Variants in CHRNA1 observed in about 807,000 individuals in gnomAD.
CHRNA1 encodes cholinergic receptor nicotinic alpha 1 subunit.
A neutral mutation model predicts 47.1 loss-of-function variants in CHRNA1; 35 were observed. The observed-to-expected ratio is 0.74, with a 90% CI of 0.57 to 0.99. CHRNA1 has a LOEUF of 0.99. CHRNA1 is among the 50% of genes least tolerant of loss of function. CHRNA1 has a pLI of 0.00. For synonymous variants in CHRNA1, 229 were observed against 223.6 expected (o/e 1.02, Z -0.22); for missense variants, 506 against 591.1 (o/e 0.86, Z 1.49).
At chr2:174,759,959 CG>C (rs1172715642) in intron 1 of CHRNA1, among the ~76,000 whole-genome samples, 2 of 138,196 alleles carry the variant, frequency 1.4e-5, no homozygotes, top group African/African-American at 2.6e-5. Context: ...CACACACACA[CG>C]AAAAAAAAGC....
At chr2:174,758,881 A>G (rs1176738939) in intron 3 of CHRNA1, among the ~76,000 whole-genome samples, 1 of 151,972 alleles carries the variant, frequency 6.6e-6, no homozygotes, top group Non-Finnish European at 1.5e-5. Context: ...AAAGATATAT[A>G]TGTATTTAAA....
At position 174,759,543 on chromosome 2, in the gene CHRNA1, T is replaced by TGGTCTTCCACTGGCCGC. The variant is rs1684052200; in HGVS notation, c.117_133dup (p.His45ArgfsTer19). 1.2e-6 allele frequency: 2 copies of TGGTCTTCCACTGGCCGC among 1,613,988 alleles called. No homozygotes were observed. Among genetic ancestry groups the TGGTCTTCCACTGGCCGC allele is most frequent in the African/African-American group, 2.7e-5 (2 of 74,964 alleles). Reference sequence around the variant, plus strand: ...CACGGTGACCTCCACGACCTGGCGGTGGTCTTCCACTGGCCGCACCACGCT... The same window carrying TGGTCTTCCACTGGCCGC: ...CACGGTGACCTCCACGACCTGGCGGTGGTCTTCCACTGGCCGCGGTCTTCCACTGGCCGCACCACGCT... On this transcript the variant is annotated frameshift_variant, in exon 2 of 9. Coordinates refer to ENST00000348749, the MANE Select transcript of CHRNA1 (RefSeq NM_000079.4). LOFTEE classifies it high-confidence loss of function.
intron 7 of CHRNA1, 149 bp downstream of exon 7, chr2:174,749,797 A>G: frequency 1.4e-6 from 1 of 706,018 alleles, no homozygotes; most frequent in Non-Finnish European, 2.5e-6. Flanking sequence ...AAAGAGGCCA[A>G]AGAAAGTTCC....
At position 174,759,586 on chromosome 2, in the gene CHRNA1, G is replaced by A. The variant is rs1332884395; in HGVS notation, c.91C>T (p.Leu31=). ...ACCACGCTGCTGTAGTCTTTAAATA[G>A]CTTTGCCACCAGACGGGTCTCATGT... ...SEHETRLVAK[L]FKDYSSVVRP... is the part of the protein sequence containing the mutation. Residue 31 remains leucine, a synonymous_variant, in exon 2 of 9, where the codon CTA becomes TTA. Transcript: ENST00000348749. 6.2e-7 allele frequency: 1 copy of A among 1,614,062 alleles called. No individual in the cohort carries two copies. Among genetic ancestry groups the A allele is most frequent in the Admixed American group, 1.7e-5 (1 of 60,016 alleles).
At chr2:174,748,925 T>C in intron 7 of CHRNA1, 106 bp from the exon 8 acceptor site, 1 of 1,474,550 alleles carries the variant, frequency 6.8e-7, no homozygotes. Flanking sequence ...ATTCAGTTTT[T>C]CTGGGCTTCA....
Position 174,748,111 on chromosome 2 carries a change from G to T in CHRNA1, c.*13C>A. ...AGGTTCCAGGGCAGAGCTAAGCTCA[G>T]CTCATTTTCTGCTCATCCTTGCTGA... On this transcript the variant is annotated 3_prime_UTR_variant, in exon 9 of 9. Transcript: ENST00000348749. The T allele has an allele frequency of 1.9e-6, 3 of 1,613,900 alleles. No individual in the cohort carries two copies. In the South Asian group the frequency reaches 3.3e-5, roughly 18 times the overall value.
At chr2:174,755,979 TGAG>T (rs1683974275) in intron 4 of CHRNA1, among the ~76,000 whole-genome samples, 1 of 149,174 alleles carries the variant, frequency 6.7e-6, no homozygotes. Flanking sequence ...AAGGTTGCAA[TGAG>T]CTATGATCAC....
intron 1 of CHRNA1, among the ~76,000 whole-genome samples, chr2:174,760,578 T>C (rs1292656776): frequency 6.6e-6 from 1 of 152,154 alleles, no homozygotes; most frequent in African/African-American, 2.4e-5. Context: ...TGGGACTCCT[T>C]AATGTGCTTG....
chr2:174,763,678 A>C (rs1331732615), intron 1 of CHRNA1, among the ~76,000 whole-genome samples: 2 of 152,182 alleles, frequency 1.3e-5, no homozygotes, highest in Non-Finnish European at 2.9e-5. Context: ...TCCAGAGTAG[A>C]ATGCAGGTCA....
In CHRNA1 at chr2:174,757,616, A is replaced by G. The variant is rs575560034; in HGVS notation, c.294T>C (p.Ile98=). 6.2e-7 allele frequency: 1 copy of G among 1,614,156 alleles called. No homozygotes were observed. The highest frequency in any genetic ancestry group is 1.3e-5 in the African/African-American group (1 of 75,042). The change falls in exon 4 of 9, where the codon ATT becomes ATC. Residue 98 remains isoleucine, a synonymous_variant. Transcript: ENST00000348749. The stretch of plus-strand genomic sequence containing the variant: ...GCCAGATCTTTTCTGAAGGAATGTG[A>G]ATTTTTTTCACACCGCCATAGTCAT... The part of the protein sequence containing the change: ...NPDDYGGVKK[I]HIPSEKIWRP...
chr2:174,754,682 G>A (rs978470981), intron 4 of CHRNA1, among the ~76,000 whole-genome samples: 1 of 152,012 alleles, frequency 6.6e-6, no homozygotes, highest in African/African-American at 2.4e-5. Context: ...GGAACCCACA[G>A]TTTTAAAGAA....
At chr2:174,757,401 C>T (rs1344548959) in intron 4 of CHRNA1, among the ~76,000 whole-genome samples, 165 bp downstream of exon 4, 3 of 151,816 alleles carry the variant, frequency 2.0e-5, no homozygotes, top group African/African-American at 4.8e-5. Flanking sequence ...AGCAATCCTC[C>T]CACCTTGGCC....
intron 3 of CHRNA1, chr2:174,757,983 G>A (rs1558914175): frequency 6.2e-7 from 1 of 1,611,660 alleles, no homozygotes; most frequent in African/African-American, 1.3e-5. Context: ...AACTCCCAAA[G>A]TCACGCAGCT....
At chr2:174,763,332 A>T (rs879591941) in intron 1 of CHRNA1, among the ~76,000 whole-genome samples, 1 of 21,294 alleles carries the variant, frequency 4.7e-5, no homozygotes, top group Non-Finnish European at 4.0e-4. Flanking sequence ...ACGCGCGCGC[A>T]CACACACACA....
chr2:174,750,255 T>A, intron 6 of CHRNA1, 86 bp from the exon 7 acceptor site: 1 of 1,014,482 alleles, frequency 9.9e-7, no homozygotes, highest in Non-Finnish European at 1.5e-6. Flanking sequence ...ACCATTTATA[T>A]GTGGAAGTCC....
At chr2:174,759,929 TACACACACACAC>T (rs5836472) in intron 1 of CHRNA1, among the ~76,000 whole-genome samples, 21 of 144,082 alleles carry the variant, frequency 1.5e-4, no homozygotes, top group Middle Eastern at 3.5e-3. Context: ...GTTTGCCAGG[TACACACACACAC>T]ACACACACAC....
In CHRNA1 at chr2:174,748,154, A is replaced by T; in HGVS notation, c.1344T>A (p.Gly448=). Residue 448 remains glycine (G), a synonymous_variant, in exon 9 of 9, where the codon GGT becomes GGA. Coordinates refer to ENST00000348749, the MANE Select transcript of CHRNA1 (RefSeq NM_000079.4). The part of the protein sequence containing the change: ...CIIGTLAVFA[G]RLIELNQQG Reference sequence around the variant, plus strand: ...CTTGCTGATTTAATTCAATGAGTCGACCTGCAAACACGGCTAGGGTTCCGA... The same window carrying T: ...CTTGCTGATTTAATTCAATGAGTCGTCCTGCAAACACGGCTAGGGTTCCGA... 6.2e-7 allele frequency: 1 copy of T among 1,614,148 alleles called. No individual in the cohort carries two copies. Among genetic ancestry groups the T allele is most frequent in the South Asian group, 1.1e-5 (1 of 91,078 alleles).
Position 174,754,383 on chromosome 2 carries a change from T to G in CHRNA1, c.376A>C (p.Thr126Pro), listed in dbSNP as rs781376926. The stretch of plus-strand genomic sequence containing the variant: ...CCAGTGTACTGCAGGAGCACTTTGG[T>G]GAACTTGACAATAGCAAAGTCACCA... ...ADGDFAIVKFTKVLLQYTGHI... is the reference protein window; with the variant it reads ...ADGDFAIVKFPKVLLQYTGHI... Residue 126 changes from threonine to proline, a missense_variant, in exon 5 of 9, where the codon ACC (threonine) becomes CCC (proline). By Grantham distance (38) the Thr-to-Pro change is conservative. Transcript: ENST00000348749. 6.2e-7 allele frequency: 1 copy of G among 1,614,126 alleles called. No homozygotes were observed.
Position 174,749,961 on chromosome 2 carries a change from G to T in CHRNA1, c.987C>A (p.Pro329=). Residue 329 remains proline, a synonymous_variant, in exon 7 of 9, where the codon CCC becomes CCA. Transcript: ENST00000348749. ...HHRSPSTHVM[P]NWVRKVFIDT... Reference sequence around the variant, plus strand: ...CCCCACTCACCTTCCGCACCCAGTTGGGCATGACATGGGTGCTGGGTGAGC... The same window carrying T: ...CCCCACTCACCTTCCGCACCCAGTTTGGCATGACATGGGTGCTGGGTGAGC... The T allele has an allele frequency of 6.2e-7, 1 of 1,613,986 alleles. No individual in the cohort carries two copies.
Sources: allele counts gnomAD v4.1 joint callset (sites outside exome capture counted in the v4.1 genomes callset), GRCh38; gene constraint gnomAD v4.1.1; transcripts MANE v1.5; gene names NCBI Gene and HGNC (gene_info 2026-07-23, HGNC 2026-07-21).